Variants in TMEM135 observed in about 807,000 individuals in gnomAD.
TMEM135 encodes peroxisomal membrane protein 52.
A neutral mutation model predicts 60.3 loss-of-function variants in TMEM135; 30 were observed. The ratio of observed to expected loss-of-function variants is 0.50; its 90% CI spans 0.37 to 0.68. TMEM135 has a LOEUF of 0.68. TMEM135 is among the 30% of genes least tolerant of loss of function. TMEM135 has a pLI of 0.00. For synonymous variants in TMEM135, 190 were observed against 186.7 expected, an observed-to-expected ratio of 1.02 and a Z score of -0.14; for missense variants, 468 against 548.8, an observed-to-expected ratio of 0.85 and a Z score of 1.47.
rs183618999 is a variant in TMEM135 at position 87,322,152 on chromosome 11, A to G, written c.*819A>G. 6.6e-6 allele frequency: 3 copies of G among 454,304 alleles called. No individual in the cohort carries two copies. The East Asian group carries it at 2.1e-4, about 32-fold the overall frequency. The allele number at this position is 454,304 out of a possible 1,614,324, so 28.1% of individuals were successfully genotyped here. A position where few individuals can be genotyped will look rare whatever the true frequency, so the allele number is the denominator to read the frequency against. On this transcript the variant is annotated 3_prime_UTR_variant, in exon 15 of 15. Coordinates refer to ENST00000305494, the MANE Select transcript of TMEM135 (RefSeq NM_022918.4). Reference sequence around the variant, plus strand: ...AAACTTTTAAACTTCCTATAGGTTTATGATGTTTGTTTTCATTTATATGGA... The same window carrying G: ...AAACTTTTAAACTTCCTATAGGTTTGTGATGTTTGTTTTCATTTATATGGA...
rs1198524830 is a variant in TMEM135 at position 87,316,702 on chromosome 11, A to T, written c.1078-1435A>T. Among the ~76,000 whole-genome samples, 3 of 152,092 alleles carry T rather than the reference A, an allele frequency of 2.0e-5. No homozygotes were observed. The East Asian group carries it at 5.8e-4, about 29-fold the overall frequency. ...AAGAAAATAATCCTTAGGTGGCAAA[A>T]ATATATTCTTTAACACAAGAGGAAA... is the stretch of plus-strand genomic sequence containing the variant. On this transcript the variant is annotated intron_variant, in intron 12 of 14. Coordinates refer to ENST00000305494, the MANE Select transcript of TMEM135 (RefSeq NM_022918.4).
chr11:87,246,312 A>C (rs981112211), intron 6 of TMEM135, among the ~76,000 whole-genome samples: 12 of 149,840 alleles, frequency 8.0e-5, no homozygotes, highest in Non-Finnish European at 7.4e-5. Flanking sequence ...ACTTTGGTGA[A>C]TCTGACAATT....
intron 12 of TMEM135, 92 bp downstream of exon 12, chr11:87,314,639 A>G (rs1231242661): frequency 2.0e-6 from 2 of 1,021,584 alleles, no homozygotes; most frequent in Non-Finnish European, 3.0e-6. Flanking sequence ...CCCAATGGCA[A>G]ACATAAATTT....
intron 6 of TMEM135, among the ~76,000 whole-genome samples, chr11:87,278,970 G>GGCT (rs370708353): frequency 3.6e-5 from 5 of 138,728 alleles, no homozygotes; most frequent in African/African-American, 1.3e-4. Context: ...CTTTGTGTCT[G>GGCT]GCTGCTTCTC....
rs1242808511 is a variant in TMEM135, at chr11:87,325,885, A to AT, written c.*4560dup. 5.7e-5 allele frequency: 26 copies of AT among 453,436 alleles called. No individual in the cohort carries two copies. The highest frequency in any genetic ancestry group is 5.6e-4 in the East Asian group (8 of 14,360). 28.1% of individuals were successfully genotyped at this position (453,436 alleles called of 1,614,324 possible). A position where few individuals can be genotyped will look rare whatever the true frequency, so the allele number is the denominator to read the frequency against. ...TTTCCTATTTTCTTTTACTTTCTCC[A>AT]TTTTTTTTCCATCTGTCCCTCCTAC... On this transcript the variant is annotated 3_prime_UTR_variant, in exon 15 of 15. Coordinates refer to ENST00000305494, the MANE Select transcript of TMEM135 (RefSeq NM_022918.4).
At chr11:87,087,520 T>G (rs543752950) in intron 3 of TMEM135, among the ~76,000 whole-genome samples, 2 of 152,256 alleles carry the variant, frequency 1.3e-5, no homozygotes, top group South Asian at 4.2e-4. Context: ...AGGTGAGAAT[T>G]TAATGAGAAG....
intron 6 of TMEM135, among the ~76,000 whole-genome samples, chr11:87,239,650 A>G (rs1393438936): frequency 6.6e-6 from 1 of 151,972 alleles, no homozygotes; most frequent in Non-Finnish European, 1.5e-5. Context: ...GAAGAATTTT[A>G]TATTTGAAAT....
chr11:87,289,979 G>A (rs1043727304), intron 6 of TMEM135, among the ~76,000 whole-genome samples: 8 of 151,080 alleles, frequency 5.3e-5, no homozygotes, highest in African/African-American at 1.7e-4. Flanking sequence ...TTTTGTGGCT[G>A]TATAGTATTC....
rs78322185 is a variant in TMEM135, at chr11:87,194,682, T to C, written c.462+37276T>C. Among the ~76,000 whole-genome samples the C allele has an allele frequency of 1.9e-3, 294 of 152,286 alleles. 1 individual carries two copies. Among genetic ancestry groups the C allele is most frequent in the African/African-American group, 6.7e-3 (280 of 41,538 alleles). ...AATTTATTATATTGAACAAGATTCC[T>C]GTTGCTCTTCATATTCTCTGTTCAT... On this transcript the variant is annotated intron_variant, in intron 5 of 14. Transcript: ENST00000305494.
At chr11:87,246,790 G>T (rs1256145150) in intron 6 of TMEM135, among the ~76,000 whole-genome samples, 4 of 120,152 alleles carry the variant, frequency 3.3e-5, no homozygotes, top group Non-Finnish European at 7.3e-5. Context: ...CTTTGCCTTT[G>T]GTTTGAATTT....
chr11:87,255,216 G>A (rs1418376129), intron 6 of TMEM135, among the ~76,000 whole-genome samples: 2 of 152,130 alleles, frequency 1.3e-5, no homozygotes, highest in African/African-American at 2.4e-5. Flanking sequence ...AGCAGGTAGG[G>A]GTCGGAAGAA....
chr11:87,043,229 A>G (rs1949766298), intron 1 of TMEM135, among the ~76,000 whole-genome samples: 1 of 152,010 alleles, frequency 6.6e-6, no homozygotes, highest in African/African-American at 2.4e-5. Context: ...TGCTGGAATT[A>G]CAGGAGTGAG....
chr11:87,300,294 T>C (rs966629870), intron 7 of TMEM135, among the ~76,000 whole-genome samples: 1 of 152,178 alleles, frequency 6.6e-6, no homozygotes, highest in African/African-American at 2.4e-5. Context: ...TCTGTGTATA[T>C]AGATAACAGT....
chr11:87,054,914 T>C (rs1001533655), intron 1 of TMEM135, among the ~76,000 whole-genome samples: 1 of 152,212 alleles, frequency 6.6e-6, no homozygotes, highest in Admixed American at 6.5e-5. Flanking sequence ...TAACTGTATT[T>C]ACTCTGAATC....
intron 5 of TMEM135, among the ~76,000 whole-genome samples, chr11:87,224,896 G>A (rs1405006790): frequency 1.3e-5 from 2 of 151,042 alleles, no homozygotes; most frequent in Non-Finnish European, 2.9e-5. Flanking sequence ...TACTATATAT[G>A]TAAACAAGTG....
At position 87,326,737 on chromosome 11, in the gene TMEM135, A is replaced by G; in HGVS notation, c.*5404A>G. On this transcript the variant is annotated 3_prime_UTR_variant, in exon 15 of 15. Transcript: ENST00000305494. ...TTTCTATTTATTTCAGGGAAAATTG[A>G]AGGTAAATAATATCTGCAAAGCTTC... The G allele has an allele frequency of 2.2e-6, 1 of 446,764 alleles. No homozygotes were observed. The highest frequency in any genetic ancestry group is 4.4e-6 in the Non-Finnish European group (1 of 225,102). The allele number at this position is 446,764 out of a possible 1,614,324, so 27.7% of individuals were successfully genotyped here.
At chr11:87,080,424 A>G (rs1171338484) in intron 3 of TMEM135, among the ~76,000 whole-genome samples, 1 of 152,124 alleles carries the variant, frequency 6.6e-6, no homozygotes, top group Non-Finnish European at 1.5e-5. Context: ...GTTGAGAACT[A>G]CTGATCTATA....
intron 5 of TMEM135, among the ~76,000 whole-genome samples, chr11:87,190,402 A>G (rs1369816009): frequency 6.6e-6 from 1 of 152,190 alleles, no homozygotes; most frequent in Admixed American, 6.5e-5. Flanking sequence ...TTTAAACAAG[A>G]ATCAAGCAAA....
At chr11:87,144,381 C>T (rs953330281) in intron 4 of TMEM135, among the ~76,000 whole-genome samples, 2 of 152,104 alleles carry the variant, frequency 1.3e-5, no homozygotes, top group Non-Finnish European at 2.9e-5. Flanking sequence ...TGCAACTATT[C>T]AATTCTGCTA....
Sources: allele counts gnomAD v4.1 joint callset (sites outside exome capture counted in the v4.1 genomes callset), GRCh38; gene constraint gnomAD v4.1.1; transcripts MANE v1.5; gene names NCBI Gene and HGNC (gene_info 2026-07-23, HGNC 2026-07-21).